OPCML: variants seen among roughly 807,000 people sequenced by gnomAD.
OPCML encodes the protein opioid binding protein/cell adhesion molecule like, also known as opioid-binding protein/cell adhesion molecule.
Under a neutral mutation model 37.8 loss-of-function variants are expected in OPCML, and 13 were observed. The ratio of observed to expected loss-of-function variants is 0.34; its 90% CI spans 0.22 to 0.55. The LOEUF (loss-of-function observed/expected upper bound fraction) is 0.55. OPCML is among the 20% of genes least tolerant of loss of function. OPCML has a pLI of 0.91. For synonymous variants in OPCML, 176 were observed against 168.8 expected (o/e 1.04, Z -0.33); for missense variants, 341 against 435.6 (o/e 0.78, Z 1.93).
chr11:132,495,352 A>G (rs2137090521), intron 4 of OPCML, among the ~76,000 whole-genome samples: 2 of 152,334 alleles, frequency 1.3e-5, no homozygotes, highest in South Asian at 2.1e-4. Context: ...CCCTAGAGAT[A>G]AAGGGGAGGA....
intron 3 of OPCML, among the ~76,000 whole-genome samples, chr11:132,652,028 T>C (rs1941453007): frequency 6.6e-6 from 1 of 152,072 alleles, no homozygotes; most frequent in South Asian, 2.1e-4. Flanking sequence ...GACAATGACA[T>C]ACCACTGGCA....
rs1565468366 is a variant in OPCML, at chr11:133,140,892, C to CGAAGACGACGACGACGAAGAAGAA, written c.62-197906_62-197883dup. Among the ~76,000 whole-genome samples, 5 of 4,622 alleles carry CGAAGACGACGACGACGAAGAAGAA rather than the reference C, an allele frequency of 1.1e-3. 1 individual carries two copies. The highest frequency in any genetic ancestry group is 1.5e-3 in the African/African-American group (5 of 3,280). The allele number at this position is 4,622 out of a possible 152,430, so 3.0% of individuals were successfully genotyped here. A position where few individuals can be genotyped will look rare whatever the true frequency, so the allele number is the denominator to read the frequency against. ...ACGACGAAGAAGACGACGACGACGA[C>CGAAGACGACGACGACGAAGAAGAA]GAAGACGACGACGACGAAGAAGAAG... On this transcript the variant is annotated intron_variant, in intron 1 of 7. Transcript: ENST00000524381.
At chr11:132,443,692 C>A (rs929353839) in intron 4 of OPCML, among the ~76,000 whole-genome samples, 1 of 152,216 alleles carries the variant, frequency 6.6e-6, no homozygotes, top group East Asian at 1.9e-4. Context: ...GCTGGACATC[C>A]TGTCATGGAC....
At chr11:133,398,086 T>C (rs781407664) in intron 1 of OPCML, among the ~76,000 whole-genome samples, 4 of 152,214 alleles carry the variant, frequency 2.6e-5, no homozygotes, top group Non-Finnish European at 5.9e-5. Context: ...AGACACCCCA[T>C]CAGCTGCCAC....
At chr11:133,346,812 A>G (rs539125885) in intron 1 of OPCML, among the ~76,000 whole-genome samples, 36 of 152,242 alleles carry the variant, frequency 2.4e-4, no homozygotes, top group Admixed American at 2.2e-3. Flanking sequence ...ACTAGATGTT[A>G]GCTATGGGGT....
intron 1 of OPCML, among the ~76,000 whole-genome samples, chr11:132,994,989 G>A (rs1438581053): frequency 1.3e-5 from 2 of 152,166 alleles, no homozygotes; most frequent in African/African-American, 2.4e-5. Flanking sequence ...CTCCTTATAG[G>A]TCACATGGTT....
intron 1 of OPCML, among the ~76,000 whole-genome samples, chr11:133,227,552 G>A (rs1026478175): frequency 1.3e-5 from 2 of 151,956 alleles, no homozygotes; most frequent in African/African-American, 4.8e-5. Context: ...CTTTAATACC[G>A]AAACTTTAAA....
chr11:133,532,347 C>A lies in OPCML; in HGVS notation c.-23G>T, dbSNP rs941521470. The A allele has an allele frequency of 1.2e-6, 2 of 1,611,314 alleles. No individual in the cohort carries two copies. Among genetic ancestry groups the A allele is most frequent in the Non-Finnish European group, 8.5e-7 (1 of 1,178,870 alleles). On this transcript the variant is annotated 5_prime_UTR_variant, in exon 1 of 8. Transcript: ENST00000524381. ...CATCTCGACGCTGCGGTGCTCTCAGCTGCCGGGCTTGCTACTGCTTCTGCT... is the reference window on the plus strand; with the variant it reads ...CATCTCGACGCTGCGGTGCTCTCAGATGCCGGGCTTGCTACTGCTTCTGCT...
At chr11:132,688,508 A>G (rs1005615470) in intron 2 of OPCML, among the ~76,000 whole-genome samples, 2 of 152,176 alleles carry the variant, frequency 1.3e-5, no homozygotes, top group African/African-American at 4.8e-5. Context: ...CTCCAATTAA[A>G]GGCTGTAATT....
intron 1 of OPCML, among the ~76,000 whole-genome samples, chr11:133,021,921 G>A (rs1017995996): frequency 6.6e-6 from 1 of 152,200 alleles, no homozygotes; most frequent in Non-Finnish European, 1.5e-5. Flanking sequence ...TCTTTAAGGG[G>A]CTGCTTTCTA....
intron 1 of OPCML, among the ~76,000 whole-genome samples, chr11:133,086,248 C>T (rs1948817054): frequency 6.6e-6 from 1 of 152,148 alleles, no homozygotes; most frequent in Non-Finnish European, 1.5e-5. Context: ...AGGGATATTA[C>T]AGTCAAGTGA....
At chr11:133,448,663 G>A (rs1946519884) in intron 1 of OPCML, among the ~76,000 whole-genome samples, 2 of 152,208 alleles carry the variant, frequency 1.3e-5, no homozygotes, top group South Asian at 4.2e-4. Flanking sequence ...TCACCATGTT[G>A]GCCAGGCTGG....
intron 1 of OPCML, among the ~76,000 whole-genome samples, chr11:133,399,078 C>T (rs1487762989): frequency 2.0e-5 from 3 of 152,202 alleles, no homozygotes; most frequent in Non-Finnish European, 2.9e-5. Context: ...TTATTTGTTA[C>T]TTGCTTCCCT....
chr11:133,418,546 G>T, intron 1 of OPCML: 1 of 804,098 alleles, frequency 1.2e-6, no homozygotes, highest in Non-Finnish European at 1.5e-6. Context: ...TGACATAGTT[G>T]ACTCTATCTT....
At chr11:133,038,458 A>G (rs1302775692) in intron 1 of OPCML, among the ~76,000 whole-genome samples, 2 of 152,356 alleles carry the variant, frequency 1.3e-5, no homozygotes, top group Non-Finnish European at 2.9e-5. Flanking sequence ...TCAGGAGACC[A>G]TGGTAATTAA....
intron 4 of OPCML, among the ~76,000 whole-genome samples, chr11:132,473,986 C>G (rs1310789342): frequency 6.6e-6 from 1 of 152,120 alleles, no homozygotes; most frequent in Non-Finnish European, 1.5e-5. Flanking sequence ...CATCAGTGAA[C>G]TTGCCAGGCC....
chr11:132,697,976 C>CTATTTATT (rs59713386), intron 2 of OPCML, among the ~76,000 whole-genome samples: 64 of 134,200 alleles, frequency 4.8e-4, no homozygotes, highest in East Asian at 1.3e-3. Context: ...ATTTTATTTT[C>CTATTTATT]TATTTATTTA....
chr11:133,396,265 T>C (rs940891988), intron 1 of OPCML, among the ~76,000 whole-genome samples: 10 of 152,186 alleles, frequency 6.6e-5, no homozygotes, highest in Non-Finnish European at 1.3e-4. Context: ...AATAAATTAT[T>C]TGTAAATTTA....
chr11:132,712,124 G>C (rs143545779), intron 2 of OPCML, among the ~76,000 whole-genome samples: 1 of 152,300 alleles, frequency 6.6e-6, no homozygotes, highest in African/African-American at 2.4e-5. Context: ...GGAGGAAGGG[G>C]TTGGTAGTAC....
Sources: gnomAD v4.1 joint callset for allele counts (sites outside exome capture counted in the v4.1 genomes callset) on GRCh38, gnomAD v4.1.1 for gene constraint, MANE v1.5 for transcripts, NCBI Gene and HGNC (gene_info 2026-07-23, HGNC 2026-07-21) for gene names.